PCDHA1: variants seen among roughly 807,000 people sequenced by gnomAD.
The protein encoded by PCDHA1 is protocadherin alpha-1.
In PCDHA1, 42 loss-of-function variants were observed where a neutral mutation model predicts 61.3. That is an observed-to-expected ratio of 0.69 (90% CI 0.54 to 0.89). The LOEUF (loss-of-function observed/expected upper bound fraction) is 0.89. PCDHA1 is among the 40% of genes least tolerant of loss of function. The pLI is 0.00. For missense variants in PCDHA1, 1,256 were observed against 1,235.3 expected (o/e 1.02, Z -0.25); for synonymous variants, 610 against 553.8 (o/e 1.10, Z -1.43).
rs74520967 is a variant in PCDHA1 at position 140,931,074 on chromosome 5, G to A, written c.2395-47875G>A. Among the ~76,000 whole-genome samples, 869 of 152,264 alleles carry A rather than the reference G, an allele frequency of 5.7e-3. 7 individuals are homozygous for A. The highest frequency in any genetic ancestry group is 0.018 in the African/African-American group (768 of 41,552). ...ATGCTGTGTCTGGGACTAAGTATGAGTCCAGTTCTACAGATGACAAAGGAA... is the reference window on the plus strand; with the variant it reads ...ATGCTGTGTCTGGGACTAAGTATGAATCCAGTTCTACAGATGACAAAGGAA... On this transcript the variant is annotated intron_variant, in intron 1 of 3. Coordinates refer to ENST00000504120, the MANE Select transcript of PCDHA1 (RefSeq NM_018900.4).
At position 140,842,873 on chromosome 5, in the gene PCDHA1, T is replaced by A. The variant is rs2150346910; in HGVS notation, c.2394+54189T>A. On this transcript the variant is annotated intron_variant, in intron 1 of 3. Coordinates refer to ENST00000504120, the MANE Select transcript of PCDHA1 (RefSeq NM_018900.4). Reference sequence around the variant, plus strand: ...GGTGCACACGGAGAGCGGCAAGGTGTACGCGCTGCAGCCGCTGGACCACGA... The same window carrying A: ...GGTGCACACGGAGAGCGGCAAGGTGAACGCGCTGCAGCCGCTGGACCACGA... 38 of 1,593,718 alleles carry A rather than the reference T, an allele frequency of 2.4e-5. 5 individuals carry two copies. The highest frequency in any genetic ancestry group is 2.3e-4 in the African/African-American group (17 of 74,220).
chr5:140,823,942 T>C, intron 1 of PCDHA1: 1 of 1,613,786 alleles, frequency 6.2e-7, no homozygotes. Context: ...GCTGCGGTGC[T>C]CGGCGCAGCC....
At chr5:140,794,952 T>C (rs1554119203) in intron 1 of PCDHA1, 2 of 1,596,680 alleles carry the variant, frequency 1.3e-6, no homozygotes, top group Non-Finnish European at 1.7e-6. Flanking sequence ...GATCAAAACA[T>C]TGAGGATTGG....
rs1775694591 is a variant in PCDHA1 at position 140,838,348 on chromosome 5, T to C, written c.2394+49664T>C. ...CATGTTGCCCCGGCTGGTCTCGAAA[T>C]CTGGGACTCAAGTGATCTGACTGCC... On this transcript the variant is annotated intron_variant, in intron 1 of 3. Coordinates refer to ENST00000504120, the MANE Select transcript of PCDHA1 (RefSeq NM_018900.4). Among the ~76,000 whole-genome samples the C allele has an allele frequency of 1.3e-5, 2 of 150,108 alleles. 1 individual carries two copies. The highest frequency in any genetic ancestry group is 4.9e-5 in the African/African-American group (2 of 40,592).
At chr5:140,852,693 C>G in intron 1 of PCDHA1, 2 of 973,482 alleles carry the variant, frequency 2.1e-6, no homozygotes, top group Non-Finnish European at 2.5e-6. Flanking sequence ...TAGTCTTATA[C>G]TTTCAAGTAT....
At chr5:140,914,606 C>A (rs1212372337) in intron 1 of PCDHA1, among the ~76,000 whole-genome samples, 2 of 152,072 alleles carry the variant, frequency 1.3e-5, no homozygotes, top group Admixed American at 6.5e-5. Context: ...CTTCCTCCTG[C>A]CATTTTGTAA....
chr5:140,982,772 A>T (rs144366377), intron 3 of PCDHA1, among the ~76,000 whole-genome samples: 67 of 152,052 alleles, frequency 4.4e-4, no homozygotes, highest in African/African-American at 1.5e-3. Context: ...TAACAAGGAA[A>T]GTGTGTGTGC....
At chr5:140,796,889 C>T (rs782298789) in intron 1 of PCDHA1, 1 of 1,613,936 alleles carries the variant, frequency 6.2e-7, no homozygotes, top group Non-Finnish European at 8.5e-7. Context: ...GAGGCTGACT[C>T]CCCTCGACAC....
intron 1 of PCDHA1, among the ~76,000 whole-genome samples, chr5:140,899,099 A>G (rs1379248424): frequency 6.6e-6 from 1 of 152,162 alleles, no homozygotes; most frequent in African/African-American, 2.4e-5. Context: ...GGCTGAGATA[A>G]TGGGGTTTTC....
intron 1 of PCDHA1, 27 bp from the exon 2 acceptor site, chr5:140,978,922 C>G: frequency 6.2e-7 from 1 of 1,613,966 alleles, no homozygotes; most frequent in Non-Finnish European, 8.5e-7. Context: ...GTCATTTTAA[C>G]AGAAAACTCT....
intron 1 of PCDHA1, chr5:140,877,946 C>A: frequency 7.4e-7 from 1 of 1,349,556 alleles, no homozygotes; most frequent in Non-Finnish European, 9.7e-7. Flanking sequence ...TTTAAACTAT[C>A]GAATGTCTCA....
intron 1 of PCDHA1, chr5:140,829,077 C>A (rs2150162312): frequency 1.2e-6 from 2 of 1,611,602 alleles, no homozygotes; most frequent in East Asian, 4.5e-5. Context: ...GGCCATCCTC[C>A]CATGGCGGGT....
At chr5:140,803,607 T>G (rs201656415) in intron 1 of PCDHA1, 2 of 1,614,172 alleles carry the variant, frequency 1.2e-6, no homozygotes, top group Non-Finnish European at 1.7e-6. Flanking sequence ...TAATTTTTAT[T>G]TATTCTTTCC....
At chr5:140,838,076 T>G (rs13170073) in intron 1 of PCDHA1, among the ~76,000 whole-genome samples, 582 of 31,102 alleles carry the variant, frequency 0.019, 3 homozygotes, top group Middle Eastern at 0.08. Flanking sequence ...TATATATATA[T>G]AGTGTGTGTG....
chr5:140,926,755 T>G, intron 1 of PCDHA1: 4 of 1,282,566 alleles, frequency 3.1e-6, no homozygotes, highest in Non-Finnish European at 4.0e-6. Context: ...CGGCGGTCGC[T>G]GAGTATCCAG....
intron 1 of PCDHA1, chr5:140,822,569 C>A: frequency 1.9e-6 from 3 of 1,612,930 alleles, no homozygotes; most frequent in Non-Finnish European, 2.5e-6. Context: ...AAACTGAACG[C>A]CTCAGATGCA....
rs2150355874 is a variant in PCDHA1, at chr5:140,843,244, C to G, written c.2394+54560C>G. 38 of 1,595,906 alleles carry G rather than the reference C, an allele frequency of 2.4e-5. 6 individuals carry two copies. The Middle Eastern group carries it at 6.6e-4, about 28-fold the overall frequency. On this transcript the variant is annotated intron_variant, in intron 1 of 3. Transcript: ENST00000504120. ...CCACTCGTGTCCTGGACGAAGCGGA[C>G]TCTCCGCGCCACCGTCTGCTGGTCC...
Position 140,835,427 on chromosome 5 carries a change from A to G in PCDHA1, c.2394+46743A>G, listed in dbSNP as rs2150235532. The stretch of plus-strand genomic sequence containing the variant: ...TTGTGGATGTAAATGACAATGCTCC[A>G]CAGTTGACTCTCACTTCCCTGTCTC... On this transcript the variant is annotated intron_variant, in intron 1 of 3. Transcript: ENST00000504120. The G allele has an allele frequency of 7.4e-6, 12 of 1,613,812 alleles. No homozygotes were observed. In the Admixed American group the frequency reaches 1.5e-4, roughly 20 times the overall value.
chr5:140,836,382 G>C (rs2150259409), intron 1 of PCDHA1: 27 of 1,613,752 alleles, frequency 1.7e-5, no homozygotes, highest in Non-Finnish European at 2.1e-5. Flanking sequence ...CACCGTGCTG[G>C]TGTCGCTGGT....
Sources: gnomAD v4.1 joint callset for allele counts (sites outside exome capture counted in the v4.1 genomes callset) on GRCh38, gnomAD v4.1.1 for gene constraint, MANE v1.5 for transcripts, NCBI Gene and HGNC (gene_info 2026-07-23, HGNC 2026-07-21) for gene names.